ITPK1: variants seen among roughly 807,000 people sequenced by gnomAD.
The protein encoded by ITPK1 is inositol 1,3,4-trisphosphate 5/6-kinase.
Under a neutral mutation model 45.3 loss-of-function variants are expected in ITPK1, and 21 were observed. The ratio of observed to expected loss-of-function variants is 0.46; its 90% CI spans 0.33 to 0.67. The LOEUF (loss-of-function observed/expected upper bound fraction) is 0.67, where lower values mean the gene tolerates loss of function less well. ITPK1 is among the 30% of genes least tolerant of loss of function. The pLI is 0.02. For synonymous variants in ITPK1, 258 were observed against 253.6 expected (o/e 1.02, Z -0.16); for missense variants, 474 against 573.5 (o/e 0.83, Z 1.77).
At chr14:93,028,585 C>T (rs983419255) in intron 3 of ITPK1, among the ~76,000 whole-genome samples, 6 of 152,226 alleles carry the variant, frequency 3.9e-5, no homozygotes, top group African/African-American at 1.4e-4. Context: ...TGGTACAATA[C>T]AGCCGATGAC....
At chr14:92,960,505 G>C (rs765726970) in intron 7 of ITPK1, among the ~76,000 whole-genome samples, 5 of 152,174 alleles carry the variant, frequency 3.3e-5, no homozygotes, top group Non-Finnish European at 7.3e-5. Context: ...TGGGTAATTT[G>C]CCAAAGTCGC....
At chr14:93,079,325 C>T (rs1033801045) in intron 2 of ITPK1, among the ~76,000 whole-genome samples, 7 of 152,240 alleles carry the variant, frequency 4.6e-5, no homozygotes, top group South Asian at 2.1e-4. Flanking sequence ...GGGCCACCCA[C>T]GTATGCTACA....
chr14:92,993,350 T>G (rs1327321240), intron 5 of ITPK1, among the ~76,000 whole-genome samples: 1 of 151,970 alleles, frequency 6.6e-6, no homozygotes, highest in East Asian at 1.9e-4. Context: ...GCCCAAGGGG[T>G]GGGGAGGCGT....
At chr14:93,039,982 G>A (rs1889493377) in intron 3 of ITPK1, among the ~76,000 whole-genome samples, 1 of 152,230 alleles carries the variant, frequency 6.6e-6, no homozygotes, top group African/African-American at 2.4e-5. Context: ...CTCTGGATGG[G>A]GTCAGAGCGC....
At position 92,938,177 on chromosome 14, in the gene ITPK1, G is replaced by A; in HGVS notation, c.*3384C>T. ...GTTTCACCATGTTGGCCAGGATGGT[G>A]TCGATCTCTTGACCTTGTGATCCAC... On this transcript the variant is annotated 3_prime_UTR_variant, in exon 11 of 11. Transcript: ENST00000267615. 2.1e-6 allele frequency: 1 copy of A among 467,616 alleles called. No homozygotes were observed. Among genetic ancestry groups the A allele is most frequent in the Non-Finnish European group, 3.8e-6 (1 of 261,946 alleles). 29.0% of individuals were successfully genotyped at this position (467,616 alleles called of 1,614,324 possible).
intron 3 of ITPK1, among the ~76,000 whole-genome samples, chr14:93,017,174 C>G (rs1482955404): frequency 2.0e-5 from 3 of 152,218 alleles, no homozygotes; most frequent in Non-Finnish European, 4.4e-5. Context: ...TCTCAACACA[C>G]CCCATCTGCC....
chr14:93,004,982 A>G (rs1274633756), intron 4 of ITPK1, among the ~76,000 whole-genome samples: 1 of 152,154 alleles, frequency 6.6e-6, no homozygotes, highest in African/African-American at 2.4e-5. Context: ...GGCAGTCTCA[A>G]CATGAAAAGT....
intron 2 of ITPK1, among the ~76,000 whole-genome samples, chr14:93,081,056 A>G (rs942777216): frequency 2.0e-5 from 3 of 147,248 alleles, no homozygotes; most frequent in African/African-American, 7.4e-5. Flanking sequence ...GCAGCCGGGC[A>G]TGGTGGCTCA....
chr14:92,940,968 C>G lies in ITPK1; in HGVS notation c.*593G>C. 7.8e-7 allele frequency: 1 copy of G among 1,285,766 alleles called. No individual in the cohort carries two copies. Among genetic ancestry groups the G allele is most frequent in the Non-Finnish European group, 1.0e-6 (1 of 987,876 alleles). The allele number at this position is 1,285,766 out of a possible 1,614,324, so 79.6% of individuals were successfully genotyped here. ...GCACAGCCCAGACCCCAGCGCGGAA[C>G]TCCCCTGAGGGGTCTGTGGCCTCCT... On this transcript the variant is annotated 3_prime_UTR_variant, in exon 11 of 11. Coordinates refer to ENST00000267615, the MANE Select transcript of ITPK1 (RefSeq NM_014216.6).
chr14:93,096,490 C>T (rs550776632), intron 2 of ITPK1, among the ~76,000 whole-genome samples: 9 of 152,314 alleles, frequency 5.9e-5, no homozygotes, highest in African/African-American at 1.4e-4. Flanking sequence ...AGGCCTGGCA[C>T]GGAGGGAGGC....
intron 2 of ITPK1, among the ~76,000 whole-genome samples, chr14:93,082,044 T>TGG (rs1205842101): frequency 6.6e-6 from 1 of 150,994 alleles, no homozygotes; most frequent in African/African-American, 2.4e-5. Flanking sequence ...CAGCTGGGTA[T>TGG]GGGGACAGCT....
chr14:92,981,188 A>G (rs190444512), intron 5 of ITPK1, among the ~76,000 whole-genome samples: 1 of 151,916 alleles, frequency 6.6e-6, no homozygotes, highest in East Asian at 1.9e-4. Context: ...GTTCCCCCTC[A>G]ATTTCTGGCC....
intron 3 of ITPK1, among the ~76,000 whole-genome samples, chr14:93,072,788 G>C (rs1030462837): frequency 3.9e-5 from 6 of 151,976 alleles, no homozygotes; most frequent in East Asian, 1.9e-4. Context: ...TTGTGGTTGG[G>C]GGGGAACCCT....
intron 5 of ITPK1, among the ~76,000 whole-genome samples, chr14:92,975,256 G>A (rs566079592): frequency 2.2e-4 from 34 of 152,344 alleles, no homozygotes; most frequent in Non-Finnish European, 4.3e-4. Context: ...AGCCTTGCTC[G>A]GTTTCTCAAT....
chr14:92,938,611 G>T lies in ITPK1; in HGVS notation c.*2950C>A. 8.5e-7 allele frequency: 1 copy of T among 1,171,440 alleles called. No individual in the cohort carries two copies. The highest frequency in any genetic ancestry group is 1.5e-5 in the African/African-American group (1 of 66,356). The allele number at this position is 1,171,440 out of a possible 1,614,324, so 72.6% of individuals were successfully genotyped here. A position where few individuals can be genotyped will look rare whatever the true frequency, so the allele number is the denominator to read the frequency against. On this transcript the variant is annotated 3_prime_UTR_variant, in exon 11 of 11. Transcript: ENST00000267615. ...ACACAGGCAGGCCCAGGCACAGGAA[G>T]CCCCATGGAACCTGCCAGGTTGCAG...
chr14:92,984,354 G>A (rs1886387721), intron 5 of ITPK1, among the ~76,000 whole-genome samples: 1 of 152,164 alleles, frequency 6.6e-6, no homozygotes, highest in Non-Finnish European at 1.5e-5. Context: ...AAGAGAGGAG[G>A]GGACTCTATA....
intron 2 of ITPK1, among the ~76,000 whole-genome samples, chr14:93,093,185 T>C (rs1891932678): frequency 1.3e-5 from 2 of 152,080 alleles, no homozygotes; most frequent in Admixed American, 6.5e-5. Flanking sequence ...ACCCAACCTG[T>C]GGGGCAGACA....
intron 2 of ITPK1, among the ~76,000 whole-genome samples, chr14:93,090,000 C>A (rs754989): frequency 1.3e-5 from 2 of 152,112 alleles, no homozygotes; most frequent in African/African-American, 4.8e-5. Flanking sequence ...CCCTGAGACA[C>A]ACAGCTCTGC....
intron 2 of ITPK1, among the ~76,000 whole-genome samples, chr14:93,101,517 C>T (rs1892319330): frequency 6.6e-6 from 1 of 152,176 alleles, no homozygotes; most frequent in Non-Finnish European, 1.5e-5. Flanking sequence ...AATTAAGGCC[C>T]AGAGAGGAGC....
Sources: allele counts gnomAD v4.1 joint callset (sites outside exome capture counted in the v4.1 genomes callset), GRCh38; gene constraint gnomAD v4.1.1; transcripts MANE v1.5; gene names NCBI Gene and HGNC (gene_info 2026-07-23, HGNC 2026-07-21).